The following SPRY3 variants were observed in gnomAD, a reference collection of about 807,000 sequenced individuals.
The protein encoded by SPRY3 is sprouty RTK signaling antagonist 3, also known as protein sprouty homolog 3.
In SPRY3, 15 loss-of-function variants were observed where a neutral mutation model predicts 20.2. That is an observed-to-expected ratio of 0.74 (90% CI 0.50 to 1.14). The LOEUF (loss-of-function observed/expected upper bound fraction) is 1.14. SPRY3 is among the 50% of genes most tolerant of loss of function. The pLI, the probability that SPRY3 is intolerant of heterozygous loss-of-function variation, is 0.00. For missense variants in SPRY3, 364 were observed against 363.9 expected (o/e 1.00, Z 0.00); for synonymous variants, 143 against 136.5 (o/e 1.05, Z -0.33).
chrX:155,711,702 A>G (rs1366367046), intron 2 of SPRY3, among the ~76,000 whole-genome samples: 1 of 141,652 alleles, frequency 7.1e-6, no homozygotes, highest in Non-Finnish European at 1.6e-5. Flanking sequence ...TTTTTTTGCT[A>G]TTTATTTTTA....
intron 2 of SPRY3, among the ~76,000 whole-genome samples, chrX:155,742,078 A>G (rs1214307792): frequency 2.6e-5 from 4 of 152,194 alleles, no homozygotes; most frequent in Non-Finnish European, 4.4e-5. Flanking sequence ...AAGACCCATC[A>G]GTATGCTATC....
At chrX:155,728,200 G>A (rs761212133) in intron 2 of SPRY3, among the ~76,000 whole-genome samples, 1 of 152,150 alleles carries the variant, frequency 6.6e-6, no homozygotes, top group African/African-American at 2.4e-5. Flanking sequence ...CGTCCCAGAG[G>A]GGCACCTGCC....
chrX:155,758,203 C>T (rs1239414516), intron 2 of SPRY3, among the ~76,000 whole-genome samples: 10 of 152,120 alleles, frequency 6.6e-5, no homozygotes, highest in Admixed American at 4.6e-4. Context: ...CATTCATTTC[C>T]GTATCTCACA....
At chrX:155,767,821 T>A (rs2091350385) in intron 2 of SPRY3, 141 bp from the exon 2 acceptor site, 1 of 152,184 alleles carries the variant, frequency 6.6e-6, no homozygotes, top group African/African-American at 2.4e-5. Flanking sequence ...CTTTGGGAAA[T>A]ACGTCCATCA....
At chrX:155,627,200 C>G (rs2067890973) in intron 1 of SPRY3, among the ~76,000 whole-genome samples, 1 of 111,406 alleles carries the variant, frequency 9.0e-6, no homozygotes, top group Non-Finnish European at 1.9e-5. Context: ...CTGTAATTTT[C>G]TATTCTTTAA....
downstream of SPRY3, chrX:155,780,963 T>TGTA (rs1229051519): frequency 6.0e-6 from 1 of 166,712 alleles, no homozygotes; most frequent in African/African-American, 2.4e-5. Flanking sequence ...TTGGTTCAGT[T>TGTA]GTACCCTTTA....
Position 155,767,313 on chromosome X carries a change from A to G in SPRY3, c.-281-649A>G, listed in dbSNP as rs745432643. On this transcript the variant is annotated intron_variant, in intron 2 of 3. Transcript: ENST00000675360. ...CCTATAACCCATTCACAAGACCTCCAGAAATCATCTACATTCACAAAACGG... is the reference window on the plus strand; with the variant it reads ...CCTATAACCCATTCACAAGACCTCCGGAAATCATCTACATTCACAAAACGG... 1.1e-3 allele frequency among the ~76,000 whole-genome samples: 161 copies of G among 152,168 alleles called. 1 individual carries two copies. Among genetic ancestry groups the G allele is most frequent in the African/African-American group, 3.6e-3 (148 of 41,528 alleles).
At chrX:155,767,739 A>AGGAGGAGGAGGAGAAG in intron 2 of SPRY3, 1 of 48,648 alleles carries the variant, frequency 2.1e-5, no homozygotes, top group African/African-American at 5.5e-5. Flanking sequence ...AGGAGGAGAG[A>AGGAGGAGGAGGAGAAG]GAGGAGGAGG....
chrX:155,773,877 T>C (rs1409751173), exon 4 of SPRY3: 1 of 1,612,770 alleles, frequency 6.2e-7, no homozygotes, highest in South Asian at 1.1e-5. Flanking sequence ...GCAAAATGGA[T>C]GCTGCGGTGA....
chrX:155,740,564 G>C (rs1440391530), intron 2 of SPRY3, among the ~76,000 whole-genome samples: 1 of 152,036 alleles, frequency 6.6e-6, no homozygotes, highest in Non-Finnish European at 1.5e-5. Context: ...ATACGCCCTG[G>C]TCTCCTGCAG....
At chrX:155,648,824 G>T (rs782762013) in intron 1 of SPRY3, among the ~76,000 whole-genome samples, 3 of 111,380 alleles carry the variant, frequency 2.7e-5, no homozygotes, top group Non-Finnish European at 5.7e-5. Flanking sequence ...AAAAATCAGT[G>T]AATCCAGGCG....
rs782598033 is a variant in SPRY3, at chrX:155,626,343, A to G, written c.-441+13696A>G. On this transcript the variant is annotated intron_variant, in intron 1 of 3. Coordinates refer to ENST00000675360, the Ensembl canonical transcript of SPRY3. ...TTATTTGCTTATTGTTCATTTGAATATGTTATTTGGAGGAATACCTATGCA... is the reference window on the plus strand; with the variant it reads ...TTATTTGCTTATTGTTCATTTGAATGTGTTATTTGGAGGAATACCTATGCA... 4.7e-4 allele frequency among the ~76,000 whole-genome samples: 53 copies of G among 111,651 alleles called. 1 individual carries two copies. The South Asian group carries it at 0.016, about 34-fold the overall frequency.
chrX:155,721,907 CAG>C (rs1233456984), intron 2 of SPRY3, among the ~76,000 whole-genome samples: 1 of 152,060 alleles, frequency 6.6e-6, no homozygotes, highest in Admixed American at 6.6e-5. Flanking sequence ...CAGAAAAACA[CAG>C]AATATTATAA....
chrX:155,743,551 T>C (rs1215916588), intron 2 of SPRY3, among the ~76,000 whole-genome samples: 1 of 152,132 alleles, frequency 6.6e-6, no homozygotes, highest in Non-Finnish European at 1.5e-5. Flanking sequence ...AGTAACACTG[T>C]GAGGGTAAAA....
At chrX:155,642,386 G>T (rs868932023) in intron 1 of SPRY3, among the ~76,000 whole-genome samples, 2 of 110,594 alleles carry the variant, frequency 1.8e-5, no homozygotes, top group Non-Finnish European at 3.8e-5. Flanking sequence ...TTCTTAATTA[G>T]TCTGCCTAAA....
intron 2 of SPRY3, among the ~76,000 whole-genome samples, chrX:155,761,666 A>G (rs1293037733): frequency 1.3e-5 from 2 of 151,618 alleles, no homozygotes; most frequent in Non-Finnish European, 2.9e-5. Flanking sequence ...TACATTCTCA[A>G]CAACAGTGCA....
chrX:155,693,249 G>A (rs950327105), intron 2 of SPRY3, among the ~76,000 whole-genome samples: 1 of 111,500 alleles, frequency 9.0e-6, no homozygotes, highest in Admixed American at 9.6e-5. Flanking sequence ...GATTTATTTA[G>A]AAGTGTATTT....
intron 2 of SPRY3, among the ~76,000 whole-genome samples, chrX:155,738,572 C>A (rs1157100653): frequency 2.0e-5 from 3 of 152,120 alleles, no homozygotes; most frequent in Non-Finnish European, 4.4e-5. Context: ...CCATGGACAG[C>A]AAGGAAAGCA....
At chrX:155,763,144 T>TAA (rs1424276875) in intron 2 of SPRY3, among the ~76,000 whole-genome samples, 1 of 152,098 alleles carries the variant, frequency 6.6e-6, no homozygotes, top group Non-Finnish European at 1.5e-5. Flanking sequence ...TTCTCACTTA[T>TAA]AAGTGGGAGC....
Sources: gnomAD v4.1 joint callset for allele counts (sites outside exome capture counted in the v4.1 genomes callset) on GRCh38, gnomAD v4.1.1 for gene constraint, MANE v1.5 for transcripts, NCBI Gene and HGNC (gene_info 2026-07-23, HGNC 2026-07-21) for gene names.